The following LYG1 variants were observed in gnomAD, a reference collection of about 807,000 sequenced individuals.
LYG1 encodes lysozyme g-like protein 1.
A neutral mutation model predicts 21.7 loss-of-function variants in LYG1; 17 were observed. The ratio of observed to expected loss-of-function variants is 0.78; its 90% CI spans 0.54 to 1.18. LYG1 has a LOEUF of 1.18. LYG1 is among the 50% of genes most tolerant of loss of function. The probability of loss-of-function intolerance (pLI) is 0.00; values close to 1 mark genes in which losing one functional copy is unlikely to be tolerated. For missense variants in LYG1, 211 were observed against 238.1 expected (o/e 0.89, Z 0.75); for synonymous variants, 81 against 87.4 (o/e 0.93, Z 0.41).
intron 5 of LYG1, 32 bp downstream of exon 5, chr2:99,291,205 A>G: frequency 6.9e-6 from 11 of 1,602,694 alleles, no homozygotes; most frequent in African/African-American, 1.3e-5. Flanking sequence ...ACATAGCAGA[A>G]TGGCCACATG....
chr2:99,287,070 G>A (rs890936964), intron 5 of LYG1, among the ~76,000 whole-genome samples: 7 of 152,228 alleles, frequency 4.6e-5, no homozygotes, highest in African/African-American at 1.7e-4. Flanking sequence ...TAAGTTCATA[G>A]AAGCAAAGAA....
intron 3 of LYG1, 111 bp downstream of exon 3, chr2:99,295,517 A>G (rs1372671193): frequency 1.5e-6 from 2 of 1,319,850 alleles, no homozygotes; most frequent in African/African-American, 2.9e-5. Context: ...TGGACAGTTT[A>G]GGGAAAAAAT....
At chr2:99,294,852 C>A (rs2094131853) in intron 3 of LYG1, among the ~76,000 whole-genome samples, 1 of 152,092 alleles carries the variant, frequency 6.6e-6, no homozygotes, top group South Asian at 2.1e-4. Flanking sequence ...AGTGGATCAC[C>A]CTGTAATCCC....
Position 99,295,784 on chromosome 2 carries a change from G to A in LYG1, c.-32-82C>T. The A allele has an allele frequency of 2.9e-6, 4 of 1,374,806 alleles. No homozygotes were observed. The South Asian group carries it at 3.6e-5, about 12-fold the overall frequency. 85.2% of individuals were successfully genotyped at this position (1,374,806 alleles called of 1,614,324 possible). On this transcript the variant is annotated intron_variant, in intron 2 of 6. Transcript: ENST00000308528. ...CATGTAATATTTCCACAGAAGCAGG[G>A]GTGAAAAGAACAAATTTCCCCATAT...
At chr2:99,300,806 T>C (rs2094151693) in intron 1 of LYG1, among the ~76,000 whole-genome samples, 1 of 135,024 alleles carries the variant, frequency 7.4e-6, no homozygotes, top group Non-Finnish European at 1.6e-5. Flanking sequence ...AATCCAAAAG[T>C]AATGACATAC....
intron 2 of LYG1, among the ~76,000 whole-genome samples, chr2:99,296,821 C>T (rs935271594): frequency 1.3e-5 from 2 of 152,114 alleles, no homozygotes; most frequent in African/African-American, 4.8e-5. Flanking sequence ...TTCAAACACC[C>T]AGGAAGAGAT....
At chr2:99,297,305 A>G (rs2094139738) in intron 2 of LYG1, among the ~76,000 whole-genome samples, 1 of 152,230 alleles carries the variant, frequency 6.6e-6, no homozygotes, top group Non-Finnish European at 1.5e-5. Flanking sequence ...AACCAATCCC[A>G]GGAGAAAAGA....
intron 5 of LYG1, among the ~76,000 whole-genome samples, chr2:99,286,477 A>G (rs968467689): frequency 9.2e-5 from 14 of 152,148 alleles, no homozygotes; most frequent in Non-Finnish European, 2.1e-4. Flanking sequence ...AGGCCAAGGC[A>G]GGTGGGCTCA....
chr2:99,300,424 C>T (rs2094150720), intron 1 of LYG1, among the ~76,000 whole-genome samples: 1 of 152,198 alleles, frequency 6.6e-6, no homozygotes, highest in African/African-American at 2.4e-5. Flanking sequence ...GAGATTTCCC[C>T]GTGAACGTTT....
At chr2:99,292,702 T>C in intron 3 of LYG1, 62 bp from the exon 4 acceptor site, 1 of 1,014,312 alleles carries the variant, frequency 9.9e-7, no homozygotes, top group Non-Finnish European at 1.6e-6. Context: ...CTTCTGTCCA[T>C]GAATAAAATT....
chr2:99,285,494 T>C (rs1412586999), intron 5 of LYG1, among the ~76,000 whole-genome samples: 1 of 152,090 alleles, frequency 6.6e-6, no homozygotes, highest in South Asian at 2.1e-4. Flanking sequence ...CCTATGCTCA[T>C]TGTAAGAGTG....
intron 5 of LYG1, 109 bp downstream of exon 5, chr2:99,291,128 A>C: frequency 9.6e-7 from 1 of 1,045,744 alleles, no homozygotes; most frequent in Non-Finnish European, 1.4e-6. Context: ...TCACAGCTCT[A>C]GAGACCTTCA....
rs763848794 is a variant in LYG1 at position 99,291,241 on chromosome 2, A to T, written c.329T>A (p.Val110Glu). 2 of 1,613,914 alleles carry T rather than the reference A, an allele frequency of 1.2e-6. No homozygotes were observed. Among genetic ancestry groups the T allele is most frequent in the South Asian group, 1.1e-5 (1 of 91,004 alleles). Residue 110 changes from valine to glutamate, a missense_variant, in exon 5 of 7, where the codon GTG (valine) becomes GAG (glutamate). Physicochemically the swap from Val to Glu is moderately radical, Grantham distance 121 (BLOSUM62 -2). Coordinates refer to ENST00000308528, the MANE Select transcript of LYG1 (RefSeq NM_174898.3). Reference protein sequence around the residue: ...LVNMGDRTSMVQDPGSQAPTS... With the variant: ...LVNMGDRTSMEQDPGSQAPTS... Reference sequence around the variant, plus strand: ...TGTCAACGGATGAAGAGTTACCTGCACCATGCTAGTCCTATCGCCCATGTT... The same window carrying T: ...TGTCAACGGATGAAGAGTTACCTGCTCCATGCTAGTCCTATCGCCCATGTT...
chr2:99,297,656 A>T lies in LYG1; in HGVS notation c.-33+803T>A, dbSNP rs113135649. ...TTACTTTCTAGTTGCTCCTGGGACCAGGTCATCAAGGTAAAGTTTTTCAAT... is the reference window on the plus strand; with the variant it reads ...TTACTTTCTAGTTGCTCCTGGGACCTGGTCATCAAGGTAAAGTTTTTCAAT... On this transcript the variant is annotated intron_variant, in intron 2 of 6. Coordinates refer to ENST00000308528, the MANE Select transcript of LYG1 (RefSeq NM_174898.3). 4.7e-3 allele frequency among the ~76,000 whole-genome samples: 715 copies of T among 152,336 alleles called. 2 individuals carry two copies. The highest frequency in any genetic ancestry group is 8.1e-3 in the Non-Finnish European group (553 of 68,024).
At chr2:99,303,054 GTGAC>G (rs1226133014), upstream of LYG1, among the ~76,000 whole-genome samples, 3 of 150,908 alleles carry the variant, frequency 2.0e-5, no homozygotes, top group African/African-American at 7.3e-5. Flanking sequence ...TTCTCTACTT[GTGAC>G]TGAGATGGTG....
intron 4 of LYG1, among the ~76,000 whole-genome samples, chr2:99,291,890 A>G (rs922105425): frequency 2.6e-5 from 4 of 152,252 alleles, no homozygotes; most frequent in Admixed American, 1.3e-4. Flanking sequence ...CCAACAAATC[A>G]TGCAAGTTTA....
intron 3 of LYG1, among the ~76,000 whole-genome samples, chr2:99,294,003 C>T (rs2105297362): frequency 6.6e-6 from 1 of 152,240 alleles, no homozygotes; most frequent in South Asian, 2.1e-4. Context: ...CTCACCACAG[C>T]CTCAACCTCC....
chr2:99,293,455 A>G (rs904143006), intron 3 of LYG1, among the ~76,000 whole-genome samples: 15 of 152,196 alleles, frequency 9.9e-5, no homozygotes, highest in African/African-American at 3.6e-4. Context: ...GTAAATGAGG[A>G]TTTGAGGCTG....
chr2:99,293,932 AATTT>A (rs2094128548), intron 3 of LYG1, among the ~76,000 whole-genome samples: 1 of 151,890 alleles, frequency 6.6e-6, no homozygotes, highest in African/African-American at 2.4e-5. Context: ...TTAATTAATT[AATTT>A]ATCTATAGAC....
Sources: gnomAD v4.1 joint callset for allele counts (sites outside exome capture counted in the v4.1 genomes callset) on GRCh38, gnomAD v4.1.1 for gene constraint, MANE v1.5 for transcripts, NCBI Gene and HGNC (gene_info 2026-07-23, HGNC 2026-07-21) for gene names.